The following DHX9 variants were observed in gnomAD, a reference collection of about 807,000 sequenced individuals.
DHX9 encodes the protein ATP-dependent RNA helicase A.
Under a neutral mutation model 148.7 loss-of-function variants are expected in DHX9, and 27 were observed. The ratio of observed to expected loss-of-function variants is 0.18; its 90% CI spans 0.13 to 0.25. The LOEUF (loss-of-function observed/expected upper bound fraction) is 0.25, where lower values mean the gene tolerates loss of function less well. DHX9 is among the 10% of genes least tolerant of loss of function. The pLI is 1.00. For missense variants in DHX9, 796 were observed against 1,559.6 expected (o/e 0.51, Z 8.25); for synonymous variants, 529 against 516.6 (o/e 1.02, Z -0.33).
At chr1:182,875,960 C>T (rs1648745794) in intron 16 of DHX9, 90 bp from the exon 17 acceptor site, 2 of 951,638 alleles carry the variant, frequency 2.1e-6, no homozygotes, top group Non-Finnish European at 3.2e-6. Flanking sequence ...AATGACATTA[C>T]AAGTAATTAG....
chr1:182,856,652 C>G lies in DHX9; in HGVS notation c.673+74C>G, dbSNP rs983547357. ...AATCTTCACATTTTAAGTCTTGAGT[C>G]ACGTATACAGAAGCTGTATTATTTG... On this transcript the variant is annotated intron_variant, in intron 7 of 27. Coordinates refer to ENST00000367549, the MANE Select transcript of DHX9 (RefSeq NM_001357.5). The G allele has an allele frequency of 3.9e-6, 5 of 1,297,722 alleles. No homozygotes were observed. In the African/African-American group the frequency reaches 5.9e-5, roughly 15 times the overall value. 80.4% of individuals were successfully genotyped at this position (1,297,722 alleles called of 1,614,324 possible). A position where few individuals can be genotyped will look rare whatever the true frequency, so the allele number is the denominator to read the frequency against.
chr1:182,850,221 C>G (rs1333205455), intron 3 of DHX9, among the ~76,000 whole-genome samples: 1 of 151,978 alleles, frequency 6.6e-6, no homozygotes, highest in East Asian at 1.9e-4. Context: ...ATACTTGTGT[C>G]TTTTTGTAAT....
At chr1:182,854,209 G>A (rs1668212464) in intron 6 of DHX9, 31 bp downstream of exon 6, 1 of 1,559,526 alleles carries the variant, frequency 6.4e-7, no homozygotes, top group South Asian at 1.2e-5. Flanking sequence ...TCCTTCTGTA[G>A]TAAGTTAAGG....
At chr1:182,848,447 C>T (rs776963745) in intron 3 of DHX9, among the ~76,000 whole-genome samples, 6 of 152,182 alleles carry the variant, frequency 3.9e-5, no homozygotes, top group Non-Finnish European at 7.3e-5. Context: ...CTTGTTCCAA[C>T]GTAATTTATT....
chr1:182,848,149 T>C (rs1249270838), intron 3 of DHX9, among the ~76,000 whole-genome samples: 1 of 151,022 alleles, frequency 6.6e-6, no homozygotes, highest in Non-Finnish European at 1.5e-5. Flanking sequence ...AGCTGTCCTA[T>C]TTAACATTAT....
Position 182,858,634 on chromosome 1 carries a change from G to A in DHX9, c.894G>A (p.Leu298=), listed in dbSNP as rs770819889. Residue 298 remains leucine, a synonymous_variant, in exon 9 of 28, where the codon TTG becomes TTA. Coordinates refer to ENST00000367549, the MANE Select transcript of DHX9 (RefSeq NM_001357.5). ...NIIQELNLEI[L]PPPEDPSVPV... Reference sequence around the variant, plus strand: ...TTCAAGAGCTAAATCTTGAGATTTTGCCCCCGGTAAGCATAAAGCTGTTTA... The same window carrying A: ...TTCAAGAGCTAAATCTTGAGATTTTACCCCCGGTAAGCATAAAGCTGTTTA... 27 of 1,608,332 alleles carry A rather than the reference G, an allele frequency of 1.7e-5. No homozygotes were observed. Among genetic ancestry groups the A allele is most frequent in the Non-Finnish European group, 2.3e-5 (27 of 1,175,670 alleles).
At chr1:182,879,540 G>GGCCTCCA in intron 21 of DHX9, 130 bp downstream of exon 21, 1 of 804,586 alleles carries the variant, frequency 1.2e-6, no homozygotes, top group Admixed American at 3.7e-5. Context: ...ATAATAGTAA[G>GGCCTCCA]GCCTCCAGTC....
intron 15 of DHX9, among the ~76,000 whole-genome samples, chr1:182,874,190 T>A (rs1648665934): frequency 6.6e-6 from 1 of 152,208 alleles, no homozygotes; most frequent in Non-Finnish European, 1.5e-5. Flanking sequence ...GTTTAATAAC[T>A]TCTGAAGACT....
Position 182,876,510 on chromosome 1 carries a change from T to C in DHX9, c.2093T>C (p.Val698Ala). 6.2e-7 allele frequency: 1 copy of C among 1,612,706 alleles called. No homozygotes were observed. Among genetic ancestry groups the C allele is most frequent in the Non-Finnish European group, 8.5e-7 (1 of 1,179,794 alleles). Residue 698 changes from valine to alanine, a missense_variant, in exon 18 of 28, where the codon GTG becomes GCG. Val to Ala is a moderately conservative substitution (Grantham distance 64). Coordinates refer to ENST00000367549, the MANE Select transcript of DHX9 (RefSeq NM_001357.5). ...SQIPREEQRK[V>A]FDPVPVGVTK... Reference sequence around the variant, plus strand: ...ATTCCTCGAGAGGAACAGCGCAAAGTGTTTGATCCAGTACCAGTTGGAGTA... The same window carrying C: ...ATTCCTCGAGAGGAACAGCGCAAAGCGTTTGATCCAGTACCAGTTGGAGTA...
intron 24 of DHX9, among the ~76,000 whole-genome samples, chr1:182,881,957 T>C (rs1215250032): frequency 1.3e-5 from 2 of 152,218 alleles, no homozygotes; most frequent in Non-Finnish European, 2.9e-5. Flanking sequence ...ACATCTAACA[T>C]AGAAAAAAAC....
chr1:182,866,835 G>A, intron 13 of DHX9, 126 bp from the exon 14 acceptor site: 2 of 811,908 alleles, frequency 2.5e-6, no homozygotes, highest in Non-Finnish European at 2.0e-6. Flanking sequence ...CTTTTTAATA[G>A]TTTAAATGTA....
intron 16 of DHX9, among the ~76,000 whole-genome samples, chr1:182,875,437 CATT>C (rs1466005802): frequency 6.6e-6 from 1 of 152,138 alleles, no homozygotes; most frequent in Non-Finnish European, 1.5e-5. Context: ...CCGGTGATGA[CATT>C]ATCAGGTGGA....
At chr1:182,881,496 AT>A in intron 23 of DHX9, 23 bp from the exon 24 acceptor site, 1 of 1,607,590 alleles carries the variant, frequency 6.2e-7, no homozygotes, top group African/African-American at 1.3e-5. Flanking sequence ...TTAGAGAATG[AT>A]TTCTCATGCC....
intron 20 of DHX9, 97 bp downstream of exon 20, chr1:182,878,270 CT>C: frequency 3.7e-6 from 5 of 1,360,062 alleles, no homozygotes; most frequent in Non-Finnish European, 5.0e-6. Flanking sequence ...ATAAGCTGAT[CT>C]AAGTCTTGCC....
intron 3 of DHX9, among the ~76,000 whole-genome samples, chr1:182,847,897 T>G (rs982173527): frequency 6.6e-6 from 1 of 152,238 alleles, no homozygotes; most frequent in African/African-American, 2.4e-5. Context: ...AAGTTTATTT[T>G]ACCTGCAGGA....
chr1:182,847,495 G>T (rs1280799987), intron 3 of DHX9, among the ~76,000 whole-genome samples: 1 of 152,192 alleles, frequency 6.6e-6, no homozygotes, highest in Non-Finnish European at 1.5e-5. Context: ...AGCCATGGAA[G>T]AGTCCTTCAG....
chr1:182,859,888 G>C (rs1668326112), intron 11 of DHX9, 105 bp from the exon 12 acceptor site: 1 of 1,118,124 alleles, frequency 8.9e-7, no homozygotes, highest in South Asian at 1.6e-5. Context: ...ACAGGCGTGA[G>C]CCACCGCGCC....
intron 3 of DHX9, among the ~76,000 whole-genome samples, chr1:182,847,674 C>A (rs1019912001): frequency 2.0e-5 from 3 of 152,156 alleles, no homozygotes; most frequent in African/African-American, 7.2e-5. Flanking sequence ...AATTCTGATT[C>A]TTCAGGCCAA....
chr1:182,882,699 A>G (rs901500160), intron 24 of DHX9, among the ~76,000 whole-genome samples: 3 of 151,972 alleles, frequency 2.0e-5, no homozygotes, highest in Non-Finnish European at 2.9e-5. Context: ...ACCCGTCTCT[A>G]CTAAAACTAC....
Sources: allele counts gnomAD v4.1 joint callset (sites outside exome capture counted in the v4.1 genomes callset), GRCh38; gene constraint gnomAD v4.1.1; transcripts MANE v1.5; gene names NCBI Gene and HGNC (gene_info 2026-07-23, HGNC 2026-07-21).